The following DZIP1L variants were observed in gnomAD, a reference collection of about 807,000 sequenced individuals.
DZIP1L encodes the protein cilium assembly protein DZIP1L.
Under a neutral mutation model 88.7 loss-of-function variants are expected in DZIP1L, and 90 were observed. The observed-to-expected ratio is 1.02, with a 90% CI of 0.86 to 1.21. DZIP1L has a LOEUF of 1.21. Ranked by LOEUF, DZIP1L falls within the 50% of genes most tolerant of loss-of-function variation. The pLI, the probability that DZIP1L is intolerant of heterozygous loss-of-function variation, is 0.00. For synonymous variants in DZIP1L, 363 were observed against 372.1 expected (o/e 0.98, Z 0.28); for missense variants, 932 against 955.8 (o/e 0.98, Z 0.33).
rs2042675352 is a variant in DZIP1L, at chr3:138,115,401, C to T, written c.-155G>A. ...CGGCTCCCATACTCGCCCCACGTCC[C>T]GCCTCCAGACTTGCTCCACCGCCCC... On this transcript the variant is annotated 5_prime_UTR_variant, in exon 1 of 16. Coordinates refer to ENST00000327532, the MANE Select transcript of DZIP1L (RefSeq NM_173543.3). 1.3e-5 allele frequency: 2 copies of T among 152,388 alleles called. No homozygotes were observed. The highest frequency in any genetic ancestry group is 4.1e-4 in the South Asian group (2 of 4,826). The allele number at this position is 152,388 out of a possible 1,614,324, so 9.4% of individuals were successfully genotyped here.
intron 2 of DZIP1L, among the ~76,000 whole-genome samples, chr3:138,101,021 T>C (rs2042288956): frequency 6.6e-6 from 1 of 151,928 alleles, no homozygotes; most frequent in Admixed American, 6.6e-5. Flanking sequence ...ACACACACCT[T>C]TACACAACAC....
rs749348378 is a variant in DZIP1L at position 138,088,447 on chromosome 3, C to T, written c.931G>A (p.Glu311Lys). The T allele has an allele frequency of 6.2e-7, 1 of 1,614,104 alleles. No individual in the cohort carries two copies. The highest frequency in any genetic ancestry group is 1.1e-5 in the South Asian group (1 of 91,060). The part of the protein sequence containing the change: ...MESKLGSLRD[E>K]ESEEWLRQAR... ...TGCCGAAGCCACTCCTCTGACTCCTCATCTCGCAGTGATCCCAGCTTGGAC... is the reference window on the plus strand; with the variant it reads ...TGCCGAAGCCACTCCTCTGACTCCTTATCTCGCAGTGATCCCAGCTTGGAC... Residue 311 changes from glutamate (E) to lysine (K), a missense_variant, in exon 6 of 16, where the codon GAG (glutamate) becomes AAG (lysine). By Grantham distance (56) the Glu-to-Lys change is moderately conservative. Coordinates refer to ENST00000327532, the MANE Select transcript of DZIP1L (RefSeq NM_173543.3).
At position 138,084,185 on chromosome 3, in the gene DZIP1L, G is replaced by A. The variant is rs1943811521; in HGVS notation, c.1131C>T (p.Ser377=). The change falls in exon 8 of 16, where the codon TCC becomes TCT. Residue 377 remains serine, a synonymous_variant. Coordinates refer to ENST00000327532, the MANE Select transcript of DZIP1L (RefSeq NM_173543.3). ...SQDQKKAAAQ[S]QCQISTLRAQ... The stretch of plus-strand genomic sequence containing the variant: ...CACGGAGGGTGCTGATCTGGCACTG[G>A]GACTGGGCAGCTGCCTTCTTCTGAT... The A allele has an allele frequency of 6.2e-7, 1 of 1,614,216 alleles. No individual in the cohort carries two copies. Among genetic ancestry groups the A allele is most frequent in the African/African-American group, 1.3e-5 (1 of 75,064 alleles).
At chr3:138,077,654 C>G (rs1943473836) in intron 10 of DZIP1L, 22 bp from the exon 11 acceptor site, 2 of 1,612,930 alleles carry the variant, frequency 1.2e-6, no homozygotes, top group East Asian at 4.5e-5. Context: ...GACATTCACC[C>G]AGATCAGCCT....
rs139550418 is a variant in DZIP1L at position 138,089,665 on chromosome 3, T to G, written c.871-1158A>C. ...ATCATTCTAAATGGAATCTTGCTGG[T>G]TTTTACCCTTAAAATTTTTTAAAAA... On this transcript the variant is annotated intron_variant, in intron 5 of 15. Transcript: ENST00000327532. 2.0e-4 allele frequency among the ~76,000 whole-genome samples: 30 copies of G among 152,300 alleles called. No homozygotes were observed. In the East Asian group the frequency reaches 5.8e-3, roughly 29 times the overall value.
intron 13 of DZIP1L, 60 bp from the exon 14 acceptor site, chr3:138,067,760 C>A: frequency 3.4e-6 from 5 of 1,489,162 alleles, no homozygotes; most frequent in Non-Finnish European, 4.5e-6. Context: ...CTTCAAAAGC[C>A]AAACTTCACC....
chr3:138,108,308 A>C (rs2042552563), intron 1 of DZIP1L: 1 of 793,460 alleles, frequency 1.3e-6, no homozygotes, highest in Admixed American at 6.3e-5. Flanking sequence ...AAGGGTAATA[A>C]GACACCTGCT....
rs1191943533 is a variant in DZIP1L at position 138,062,881 on chromosome 3, T to G, written c.2239A>C (p.Lys747Gln). 1.9e-6 allele frequency: 3 copies of G among 1,614,062 alleles called. No homozygotes were observed. The highest frequency in any genetic ancestry group is 1.3e-5 in the African/African-American group (1 of 74,920). The change falls in exon 16 of 16, where the codon AAG (lysine) becomes CAG (glutamine). Residue 747 changes from lysine to glutamine, a missense_variant. Transcript: ENST00000327532. ...REKPKPLSRSKLPEKFGTGPQ... is the reference protein window; with the variant it reads ...REKPKPLSRSQLPEKFGTGPQ... Reference sequence around the variant, plus strand: ...CCAGTGCCAAACTTCTCTGGGAGCTTTGAGCGAGACAAGGGCTTGGGTTTC... The same window carrying G: ...CCAGTGCCAAACTTCTCTGGGAGCTGTGAGCGAGACAAGGGCTTGGGTTTC...
At chr3:138,085,867 TC>T (rs1943907714) in intron 7 of DZIP1L, among the ~76,000 whole-genome samples, 1 of 152,096 alleles carries the variant, frequency 6.6e-6, no homozygotes, top group Non-Finnish European at 1.5e-5. Context: ...CAAATGTCCA[TC>T]AATGATAGAC....
At chr3:138,065,086 T>C (rs964405391) in intron 14 of DZIP1L, among the ~76,000 whole-genome samples, 2 of 152,186 alleles carry the variant, frequency 1.3e-5, no homozygotes, top group African/African-American at 2.4e-5. Context: ...ATGAACTGTA[T>C]CACTAACATG....
Position 138,092,425 on chromosome 3 carries a change from A to T in DZIP1L, c.828T>A (p.Asp276Glu), listed in dbSNP as rs762478675. 12 of 1,605,766 alleles carry T rather than the reference A, an allele frequency of 7.5e-6. No homozygotes were observed. The East Asian group carries it at 2.7e-4, about 36-fold the overall frequency. The change falls in exon 5 of 16, where the codon GAT (aspartate) becomes GAA (glutamate). Residue 276 changes from aspartate to glutamate, a missense_variant. Asp to Glu is a conservative substitution (Grantham distance 45, BLOSUM62 2). Coordinates refer to ENST00000327532, the MANE Select transcript of DZIP1L (RefSeq NM_173543.3). ...EIDKLKKLFW[D>E]EFKNVAKQNS... ...TCTGCTTGGCGACATTTTTAAATTCATCCCAAAATAATTTTTTTAGTTTAT... is the reference window on the plus strand; with the variant it reads ...TCTGCTTGGCGACATTTTTAAATTCTTCCCAAAATAATTTTTTTAGTTTAT...
At chr3:138,069,801 G>A (rs1943094381) in intron 12 of DZIP1L, among the ~76,000 whole-genome samples, 1 of 152,136 alleles carries the variant, frequency 6.6e-6, no homozygotes, top group Non-Finnish European at 1.5e-5. Flanking sequence ...CCACAGAAGA[G>A]GCAGGGTCCA....
intron 2 of DZIP1L, among the ~76,000 whole-genome samples, chr3:138,098,676 A>T (rs1217084474): frequency 3.9e-5 from 6 of 152,192 alleles, no homozygotes; most frequent in Admixed American, 3.9e-4. Context: ...TCTGTGGCCA[A>T]TGAGAATAAA....
intron 6 of DZIP1L, among the ~76,000 whole-genome samples, chr3:138,087,692 T>C (rs1306860164): frequency 2.6e-5 from 4 of 152,244 alleles, no homozygotes; most frequent in African/African-American, 9.6e-5. Context: ...TACTGCTGAT[T>C]GTTAGCTAGA....
chr3:138,069,060 CGT>C, intron 12 of DZIP1L: 1 of 1,201,884 alleles, frequency 8.3e-7, no homozygotes, highest in East Asian at 2.9e-5. Flanking sequence ...CCCGAAACAA[CGT>C]GGGGTTGAAC....
rs749581205 is a variant in DZIP1L, at chr3:138,103,615, C to G, written c.357G>C (p.Leu119=). The G allele has an allele frequency of 3.1e-6, 5 of 1,606,698 alleles. No individual in the cohort carries two copies. The highest frequency in any genetic ancestry group is 2.7e-5 in the African/African-American group (2 of 75,032). Residue 119 remains leucine, a synonymous_variant, in exon 2 of 16, where the codon CTG becomes CTC. Transcript: ENST00000327532. ...CCTGCTGACCACGCTGCTGCTGGCC[C>G]AGGCTGGTCTGCAGCCGTGCCTCCA... is the stretch of plus-strand genomic sequence containing the variant. ...AQLEARLQTS[L]GQQQRGQQEL...
chr3:138,064,516 G>A, intron 15 of DZIP1L, 112 bp downstream of exon 15: 1 of 1,612,720 alleles, frequency 6.2e-7, no homozygotes. Flanking sequence ...GTCCCACTAG[G>A]GCAAAGGATG....
At chr3:138,095,005 A>G (rs1362765008) in intron 3 of DZIP1L, 22 bp from the exon 4 acceptor site, 4 of 1,613,986 alleles carry the variant, frequency 2.5e-6, no homozygotes, top group Admixed American at 3.3e-5. Context: ...ACGCAAAGAC[A>G]GGTGACCAGT....
intron 5 of DZIP1L, among the ~76,000 whole-genome samples, chr3:138,089,451 G>A (rs992339653): frequency 2.0e-5 from 3 of 152,124 alleles, no homozygotes; most frequent in African/African-American, 7.2e-5. Flanking sequence ...TTTACCCCAG[G>A]TCTAATCTAA....
Sources: gnomAD v4.1 joint callset for allele counts (sites outside exome capture counted in the v4.1 genomes callset) on GRCh38, gnomAD v4.1.1 for gene constraint, MANE v1.5 for transcripts, NCBI Gene and HGNC (gene_info 2026-07-23, HGNC 2026-07-21) for gene names.